Variants in INTS9 observed in about 807,000 individuals in gnomAD.
The protein encoded by INTS9 is integrator complex subunit 9.
A neutral mutation model predicts 79.7 loss-of-function variants in INTS9; 55 were observed. That is an observed-to-expected ratio of 0.69 (90% CI 0.56 to 0.86). The LOEUF is 0.86. Among genes scored for constraint, INTS9 ranks in the 40% least tolerant of loss-of-function variants. INTS9 has a pLI of 0.00. For synonymous variants in INTS9, 319 were observed against 325.2 expected (o/e 0.98, Z 0.20); for missense variants, 721 against 831.5 (o/e 0.87, Z 1.64).
chr8:28,883,422 C>G (rs1281204813), intron 1 of INTS9, among the ~76,000 whole-genome samples: 1 of 152,128 alleles, frequency 6.6e-6, no homozygotes, highest in African/African-American at 2.4e-5. Flanking sequence ...GAGGATAGAT[C>G]AAAGAAGAAA....
chr8:28,814,060 T>A lies in INTS9; in HGVS notation c.489-448A>T, dbSNP rs139125573. 5.4e-3 allele frequency among the ~76,000 whole-genome samples: 804 copies of A among 150,196 alleles called. 8 individuals are homozygous for A. The highest frequency in any genetic ancestry group is 0.019 in the African/African-American group (775 of 40,084). On this transcript the variant is annotated intron_variant, in intron 6 of 16. Transcript: ENST00000521022. ...AGGCATGAGCCACCGTGCTCAGCCA[T>A]TTCTTTTTTTAAAAAAAAAAAAAAA...
chr8:28,818,644 T>A (rs1323008507), intron 6 of INTS9, among the ~76,000 whole-genome samples: 2 of 150,310 alleles, frequency 1.3e-5, no homozygotes, highest in Non-Finnish European at 3.0e-5. Context: ...CCGGCTTTGG[T>A]ATCAGGATGA....
chr8:28,780,515 C>A (rs241197), intron 12 of INTS9: 33 of 985,160 alleles, frequency 3.3e-5, no homozygotes, highest in Non-Finnish European at 3.9e-5. Context: ...GGTAAAACAA[C>A]ACCGTTACTG....
intron 8 of INTS9, among the ~76,000 whole-genome samples, chr8:28,808,857 G>A (rs1447142073): frequency 6.6e-6 from 1 of 152,136 alleles, no homozygotes; most frequent in Non-Finnish European, 1.5e-5. Context: ...ACAGCAGCCT[G>A]TGATATTCTT....
intron 4 of INTS9, among the ~76,000 whole-genome samples, chr8:28,843,225 T>C (rs1463203626): frequency 6.6e-6 from 1 of 152,216 alleles, no homozygotes; most frequent in Non-Finnish European, 1.5e-5. Flanking sequence ...GGTTGGCCAC[T>C]TTATAGGTAA....
rs540616485 is a variant in INTS9 at position 28,850,927 on chromosome 8, T to C, written c.138-654A>G. Among the ~76,000 whole-genome samples, 2 of 152,350 alleles carry C rather than the reference T, an allele frequency of 1.3e-5. 1 individual carries two copies. Among genetic ancestry groups the C allele is most frequent in the South Asian group, 4.1e-4 (2 of 4,832 alleles). On this transcript the variant is annotated intron_variant, in intron 2 of 16. Coordinates refer to ENST00000521022, the MANE Select transcript of INTS9 (RefSeq NM_018250.4). ...TCAATTTCATGTATATGTTACATTT[T>C]AAAAATCTGAATTAAAAAATCATTT...
intron 1 of INTS9, among the ~76,000 whole-genome samples, chr8:28,863,718 G>T (rs2131308038): frequency 6.6e-6 from 1 of 152,300 alleles, no homozygotes; most frequent in Admixed American, 6.5e-5. Flanking sequence ...GGAGGCAGAG[G>T]TTGCAGTGAG....
At chr8:28,795,318 G>A (rs531619151) in intron 9 of INTS9, among the ~76,000 whole-genome samples, 78 of 152,122 alleles carry the variant, frequency 5.1e-4, no homozygotes, top group Non-Finnish European at 1.0e-3. Context: ...GAGGGTGCAG[G>A]CCCCATGATG....
At chr8:28,879,653 GA>G (rs1563317164) in intron 1 of INTS9, among the ~76,000 whole-genome samples, 1 of 152,110 alleles carries the variant, frequency 6.6e-6, no homozygotes, top group African/African-American at 2.4e-5. Flanking sequence ...CCAAAAAGCA[GA>G]AACAATTCAA....
chr8:28,886,385 C>A (rs1405673334), intron 1 of INTS9, among the ~76,000 whole-genome samples: 5 of 150,760 alleles, frequency 3.3e-5, no homozygotes, highest in Admixed American at 2.6e-4. Flanking sequence ...GTAGCTGGGA[C>A]TACAGGCACA....
In INTS9 at chr8:28,767,825, G is replaced by A. The variant is rs1024682661; in HGVS notation, c.*321C>T. ...CCCCTGGCCGAGGCCTGGGACTGAT[G>A]CAAGACAGCCAGCCAGTCACCTCCG... On this transcript the variant is annotated 3_prime_UTR_variant, in exon 17 of 17. Transcript: ENST00000521022. 2.8e-5 allele frequency: 10 copies of A among 360,324 alleles called. No homozygotes were observed. The highest frequency in any genetic ancestry group is 2.1e-4 in the South Asian group (8 of 37,494). 22.3% of individuals were successfully genotyped at this position (360,324 alleles called of 1,614,324 possible).
chr8:28,775,455 C>T (rs181472812), intron 14 of INTS9, among the ~76,000 whole-genome samples: 1 of 152,284 alleles, frequency 6.6e-6, no homozygotes, highest in East Asian at 1.9e-4. Flanking sequence ...CAGGCTTCAG[C>T]CTCACGAGTA....
intron 4 of INTS9, among the ~76,000 whole-genome samples, chr8:28,842,175 G>T (rs1470731442): frequency 6.6e-6 from 1 of 152,066 alleles, no homozygotes; most frequent in East Asian, 1.9e-4. Flanking sequence ...CATCATAGAG[G>T]TCTTTATTTT....
chr8:28,803,237 G>C (rs961736180), intron 8 of INTS9, among the ~76,000 whole-genome samples: 9 of 152,232 alleles, frequency 5.9e-5, no homozygotes, highest in African/African-American at 2.2e-4. Context: ...AAGTCAGACA[G>C]AGTAGCCAAG....
chr8:28,796,461 C>G lies in INTS9; in HGVS notation c.856+83G>C, dbSNP rs1250184040. 1.9e-5 allele frequency: 15 copies of G among 775,858 alleles called. No individual in the cohort carries two copies. In the South Asian group the frequency reaches 2.6e-4, roughly 13 times the overall value. The allele number at this position is 775,858 out of a possible 1,614,324, so 48.1% of individuals were successfully genotyped here. A position where few individuals can be genotyped will look rare whatever the true frequency, so the allele number is the denominator to read the frequency against. On this transcript the variant is annotated intron_variant, in intron 9 of 16. Coordinates refer to ENST00000521022, the MANE Select transcript of INTS9 (RefSeq NM_018250.4). ...GCTACCCTGTAAGCACTCCTTCCCCCATTATTGTAAAATATTATATTTATT... is the reference window on the plus strand; with the variant it reads ...GCTACCCTGTAAGCACTCCTTCCCCGATTATTGTAAAATATTATATTTATT...
intron 4 of INTS9, among the ~76,000 whole-genome samples, chr8:28,842,958 A>G (rs1807276757): frequency 6.6e-6 from 1 of 152,116 alleles, no homozygotes; most frequent in African/African-American, 2.4e-5. Flanking sequence ...CTAGAGGCTG[A>G]ATTAGTGATG....
intron 14 of INTS9, among the ~76,000 whole-genome samples, chr8:28,773,845 CAG>C (rs577746761): frequency 7.9e-5 from 12 of 152,070 alleles, no homozygotes; most frequent in Non-Finnish European, 1.8e-4. Flanking sequence ...TTTTTTGAGA[CAG>C]AGTCTCGCTC....
chr8:28,831,174 C>T (rs1585429649), intron 6 of INTS9, among the ~76,000 whole-genome samples: 1 of 152,284 alleles, frequency 6.6e-6, no homozygotes, highest in East Asian at 1.9e-4. Flanking sequence ...ATAGATGGAG[C>T]TGAAGCCATT....
chr8:28,864,951 A>G (rs1585499984), intron 1 of INTS9, among the ~76,000 whole-genome samples: 1 of 147,690 alleles, frequency 6.8e-6, no homozygotes, highest in African/African-American at 2.5e-5. Context: ...GCACCACTGC[A>G]CTCCCTCCTC....
Sources: allele counts gnomAD v4.1 joint callset (sites outside exome capture counted in the v4.1 genomes callset), GRCh38; gene constraint gnomAD v4.1.1; transcripts MANE v1.5; gene names NCBI Gene and HGNC (gene_info 2026-07-23, HGNC 2026-07-21).